ADAMTSL1: variants seen among roughly 807,000 people sequenced by gnomAD.
ADAMTSL1 encodes ADAMTS like 1, also known as ADAMTS-like protein 1.
In ADAMTSL1, 126 loss-of-function variants were observed where a neutral mutation model predicts 201.8. The observed-to-expected ratio is 0.62, with a 90% CI of 0.54 to 0.72. ADAMTSL1 has a LOEUF of 0.72. Ranked by LOEUF, ADAMTSL1 falls within the 30% of genes least tolerant of loss-of-function variation. The pLI, the probability that ADAMTSL1 is intolerant of heterozygous loss-of-function variation, is 0.00. For missense variants in ADAMTSL1, 2,679 were observed against 2,277.8 expected (o/e 1.18, Z -3.59); for synonymous variants, 1,121 against 903.4 (o/e 1.24, Z -4.32).
intron 25 of ADAMTSL1, among the ~76,000 whole-genome samples, chr9:18,890,216 T>C (rs1169149755): frequency 1.3e-5 from 2 of 152,210 alleles, no homozygotes; most frequent in African/African-American, 2.4e-5. Flanking sequence ...GGAAATCTTA[T>C]CTTCCTCTTT....
chr9:18,481,449 C>CA (rs1821724745), intron 1 of ADAMTSL1, among the ~76,000 whole-genome samples: 2 of 151,736 alleles, frequency 1.3e-5, no homozygotes, highest in African/African-American at 4.8e-5. Context: ...GATTAAGTCA[C>CA]AATCTCTACA....
At chr9:18,671,931 G>A (rs1379857021) in intron 9 of ADAMTSL1, among the ~76,000 whole-genome samples, 1 of 152,068 alleles carries the variant, frequency 6.6e-6, no homozygotes, top group African/African-American at 2.4e-5. Flanking sequence ...CAGCTACTCA[G>A]GAGGCCGAGG....
At chr9:18,696,749 T>C (rs1444670778) in intron 13 of ADAMTSL1, among the ~76,000 whole-genome samples, 1 of 152,152 alleles carries the variant, frequency 6.6e-6, no homozygotes, top group Admixed American at 6.5e-5. Context: ...TTAGAAATCA[T>C]TGTATTCCAA....
At chr9:18,869,079 GAAC>G (rs1327819717) in intron 23 of ADAMTSL1, among the ~76,000 whole-genome samples, 2 of 152,186 alleles carry the variant, frequency 1.3e-5, no homozygotes, top group Non-Finnish European at 2.9e-5. Context: ...ACACAAGGCA[GAAC>G]TCCATGTGAA....
intron 1 of ADAMTSL1, among the ~76,000 whole-genome samples, chr9:18,073,333 A>T (rs771023531): frequency 6.6e-6 from 1 of 152,218 alleles, no homozygotes; most frequent in African/African-American, 2.4e-5. Context: ...CCACATCTCA[A>T]CTAGTTTTGT....
chr9:18,588,859 G>C (rs1823698459), intron 4 of ADAMTSL1, among the ~76,000 whole-genome samples: 1 of 90,406 alleles, frequency 1.1e-5, no homozygotes, highest in South Asian at 2.7e-4. Flanking sequence ...GGTTACTATA[G>C]CTTTGTGCCA....
At chr9:18,169,297 T>C (rs2132116854) in intron 2 of ADAMTSL1, among the ~76,000 whole-genome samples, 1 of 152,024 alleles carries the variant, frequency 6.6e-6, no homozygotes, top group Admixed American at 6.6e-5. Context: ...TGAATTGATT[T>C]TTGTATAAGG....
intron 3 of ADAMTSL1, among the ~76,000 whole-genome samples, chr9:18,571,564 C>T (rs549099122): frequency 2.6e-5 from 4 of 152,264 alleles, no homozygotes; most frequent in East Asian, 1.9e-4. Flanking sequence ...CAACTTTAGA[C>T]GCTCCCATTC....
intron 1 of ADAMTSL1, among the ~76,000 whole-genome samples, chr9:18,116,003 T>C (rs1825233688): frequency 6.6e-6 from 1 of 152,148 alleles, no homozygotes; most frequent in Non-Finnish European, 1.5e-5. Flanking sequence ...TATAAAACTG[T>C]TCTCTGATAT....
At position 18,622,306 on chromosome 9, in the gene ADAMTSL1, G is replaced by T; in HGVS notation, c.538G>T (p.Gly180Ter). The change falls in exon 5 of 29, where the codon GGA (glycine) becomes TGA (stop). Residue 180 changes from glycine (G) to a stop codon, truncating the protein, a stop_gained. Transcript: ENST00000380548. LOFTEE classifies it high-confidence loss of function. ...GGAAGATAACTGTGGGGTCTGCAAC[G>T]GAGATGGGTCCACCTGCCGGCTGGT... is the stretch of plus-strand genomic sequence containing the variant. ...VKEDNCGVCN[G>*]DGSTCRLVRG... The T allele has an allele frequency of 6.2e-7, 1 of 1,614,008 alleles. No individual in the cohort carries two copies. Among genetic ancestry groups the T allele is most frequent in the Non-Finnish European group, 8.5e-7 (1 of 1,179,952 alleles).
intron 26 of ADAMTSL1, among the ~76,000 whole-genome samples, chr9:18,894,309 C>G (rs1829475552): frequency 6.6e-6 from 1 of 151,260 alleles, no homozygotes; most frequent in African/African-American, 2.4e-5. Flanking sequence ...ATACCACTTT[C>G]ACTACTCCAG....
chr9:17,927,576 A>C (rs1386810620), intron 1 of ADAMTSL1, among the ~76,000 whole-genome samples: 1 of 152,104 alleles, frequency 6.6e-6, no homozygotes, highest in African/African-American at 2.4e-5. Flanking sequence ...AATATCTAAA[A>C]ACAATAAAAA....
intron 1 of ADAMTSL1, among the ~76,000 whole-genome samples, chr9:18,499,994 T>G (rs868366725): frequency 6.6e-6 from 1 of 152,218 alleles, no homozygotes; most frequent in South Asian, 2.1e-4. Flanking sequence ...ACTCTAGTCT[T>G]TTATTGCTAA....
chr9:18,435,072 G>C (rs538801470), intron 2 of ADAMTSL1, among the ~76,000 whole-genome samples: 31 of 152,282 alleles, frequency 2.0e-4, no homozygotes, highest in African/African-American at 7.5e-4. Context: ...AGGGAGTTGA[G>C]ATGTCATGGC....
intron 7 of ADAMTSL1, among the ~76,000 whole-genome samples, chr9:18,645,422 G>C (rs1827743379): frequency 6.6e-6 from 1 of 151,824 alleles, no homozygotes. Context: ...TTTGGCTTTT[G>C]TTGCCATTGC....
At chr9:18,081,235 T>C (rs904158582) in intron 1 of ADAMTSL1, among the ~76,000 whole-genome samples, 6 of 152,310 alleles carry the variant, frequency 3.9e-5, no homozygotes, top group African/African-American at 1.2e-4. Flanking sequence ...GTTCTGAAGA[T>C]TGTAGAGAAG....
At chr9:18,059,590 G>A (rs1488834563) in intron 1 of ADAMTSL1, among the ~76,000 whole-genome samples, 1 of 152,072 alleles carries the variant, frequency 6.6e-6, no homozygotes, top group Non-Finnish European at 1.5e-5. Flanking sequence ...AGAAGTGAAT[G>A]GTTTTATACA....
intron 1 of ADAMTSL1, among the ~76,000 whole-genome samples, chr9:18,076,040 A>G (rs138524977): frequency 5.3e-5 from 8 of 152,356 alleles, no homozygotes; most frequent in African/African-American, 1.9e-4. Flanking sequence ...CTGATTCAAG[A>G]ATGAGGATAT....
rs10963346 is a variant in ADAMTSL1, at chr9:17,936,047, C to G, written c.87+29125C>G. Among the ~76,000 whole-genome samples the G allele has an allele frequency of 9.9e-3, 1,506 of 152,318 alleles. 87 individuals are homozygous for G. The East Asian group carries it at 0.17, about 18-fold the overall frequency. Reference sequence around the variant, plus strand: ...TCTTCTAACATTGCCAAGTGTGCTTCTACCTCAAGGCTTTGTATTTAGCAT... The same window carrying G: ...TCTTCTAACATTGCCAAGTGTGCTTGTACCTCAAGGCTTTGTATTTAGCAT... On this transcript the variant is annotated intron_variant, in intron 1 of 29. Transcript: ENST00000680146.
Sources: allele counts gnomAD v4.1 joint callset (sites outside exome capture counted in the v4.1 genomes callset), GRCh38; gene constraint gnomAD v4.1.1; transcripts MANE v1.5; gene names NCBI Gene and HGNC (gene_info 2026-07-23, HGNC 2026-07-21).